Variants in TRPS1 observed in about 807,000 individuals in gnomAD.
TRPS1 encodes transcriptional repressor GATA binding 1, also known as zinc finger transcription factor Trps1.
Under a neutral mutation model 101.2 loss-of-function variants are expected in TRPS1, and 6 were observed. The ratio of observed to expected loss-of-function variants is 0.06; its 90% CI spans 0.03 to 0.12. The LOEUF (loss-of-function observed/expected upper bound fraction) is 0.12, where lower values mean the gene tolerates loss of function less well. TRPS1 is among the 10% of genes least tolerant of loss of function. TRPS1 has a pLI of 1.00. For synonymous variants in TRPS1, 578 were observed against 589.8 expected, an observed-to-expected ratio of 0.98 and a Z score of 0.29; for missense variants, 1,363 against 1,567.0, an observed-to-expected ratio of 0.87 and a Z score of 2.20.
chr8:115,448,884 G>C (rs921339487), intron 5 of TRPS1, among the ~76,000 whole-genome samples: 2 of 151,964 alleles, frequency 1.3e-5, no homozygotes, highest in Non-Finnish European at 2.9e-5. Context: ...ATAAAACTTC[G>C]TCGATCATCT....
At chr8:115,458,770 C>T (rs548921157) in intron 5 of TRPS1, among the ~76,000 whole-genome samples, 27 of 152,184 alleles carry the variant, frequency 1.8e-4, no homozygotes, top group Middle Eastern at 3.4e-3. Flanking sequence ...TGGGGCATGC[C>T]GTGTTCATAG....
At chr8:115,554,460 T>C (rs984080924) in intron 5 of TRPS1, among the ~76,000 whole-genome samples, 6 of 152,056 alleles carry the variant, frequency 3.9e-5, no homozygotes, top group African/African-American at 7.2e-5. Flanking sequence ...CAATCTTTAT[T>C]CCAAAAACAT....
At chr8:115,449,986 CACAGACAT>C (rs1813827664) in intron 5 of TRPS1, among the ~76,000 whole-genome samples, 1 of 151,774 alleles carries the variant, frequency 6.6e-6, no homozygotes. Context: ...CACACACACA[CACAGACAT>C]ACACACACAG....
chr8:115,660,355 T>G (rs1161529227), intron 1 of TRPS1, among the ~76,000 whole-genome samples: 1 of 152,006 alleles, frequency 6.6e-6, no homozygotes, highest in Non-Finnish European at 1.5e-5. Flanking sequence ...TTTCTACAGC[T>G]AAGGTATTTT....
chr8:115,438,339 C>A (rs1813508152), intron 5 of TRPS1, among the ~76,000 whole-genome samples: 1 of 152,222 alleles, frequency 6.6e-6, no homozygotes, highest in Admixed American at 6.5e-5. Context: ...TGGTAAAAGA[C>A]ATGACCCAAG....
chr8:115,644,343 C>T (rs535121885), intron 1 of TRPS1, among the ~76,000 whole-genome samples: 91 of 152,334 alleles, frequency 6.0e-4, no homozygotes, highest in African/African-American at 2.2e-3. Context: ...TCACTTGCTG[C>T]TTCACCTTGT....
intron 5 of TRPS1, among the ~76,000 whole-genome samples, chr8:115,557,959 G>C (rs555547834): frequency 6.6e-5 from 10 of 152,014 alleles, no homozygotes; most frequent in Non-Finnish European, 1.3e-4. Flanking sequence ...ACTACTACTT[G>C]TAACGTTCAT....
chr8:115,549,782 C>T (rs1315337680), intron 5 of TRPS1, among the ~76,000 whole-genome samples: 1 of 151,908 alleles, frequency 6.6e-6, no homozygotes, highest in Non-Finnish European at 1.5e-5. Flanking sequence ...ACTCAAGAAT[C>T]TATTTGTTTT....
intron 6 of TRPS1, among the ~76,000 whole-genome samples, chr8:115,416,529 A>G (rs1176408048): frequency 6.7e-6 from 1 of 148,576 alleles, no homozygotes; most frequent in African/African-American, 2.4e-5. Context: ...TAAATTATAA[A>G]ATTTTAAATA....
chr8:115,448,824 C>T (rs965739752), intron 5 of TRPS1, among the ~76,000 whole-genome samples: 1 of 152,132 alleles, frequency 6.6e-6, no homozygotes, highest in Non-Finnish European at 1.5e-5. Flanking sequence ...TATTAGTTTG[C>T]CCTTGACAAA....
At chr8:115,538,935 G>A (rs1816386851) in intron 5 of TRPS1, among the ~76,000 whole-genome samples, 1 of 152,080 alleles carries the variant, frequency 6.6e-6, no homozygotes. Flanking sequence ...TATCAAAAAA[G>A]TAAAGTATTC....
In TRPS1 at chr8:115,412,308, G is replaced by A. The variant is rs1388457889; in HGVS notation, c.*1715C>T. ...GAACTTTCATTTGTTTCATGTTACC[G>A]TTTACAACTTTAATGCACACACACA... is the stretch of plus-strand genomic sequence containing the variant. On this transcript the variant is annotated 3_prime_UTR_variant, in exon 7 of 7. Coordinates refer to ENST00000395715, the MANE Select transcript of TRPS1 (RefSeq NM_014112.5). 6.6e-6 allele frequency: 1 copy of A among 151,654 alleles called. No individual in the cohort carries two copies. Among genetic ancestry groups the A allele is most frequent in the Non-Finnish European group, 1.5e-5 (1 of 67,786 alleles). The allele number at this position is 151,654 out of a possible 1,614,324, so 9.4% of individuals were successfully genotyped here.
intron 4 of TRPS1, among the ~76,000 whole-genome samples, chr8:115,589,606 T>C (rs1813950171): frequency 6.6e-6 from 1 of 152,130 alleles, no homozygotes; most frequent in Non-Finnish European, 1.5e-5. Flanking sequence ...GGAGGATGAA[T>C]TGACCATAAA....
intron 4 of TRPS1, among the ~76,000 whole-genome samples, chr8:115,588,619 A>AAAAGCATT (rs1213196526): frequency 6.6e-6 from 1 of 152,238 alleles, no homozygotes; most frequent in Non-Finnish European, 1.5e-5. Flanking sequence ...TACCCGAAAG[A>AAAAGCATT]TACACAAGTG....
intron 5 of TRPS1, among the ~76,000 whole-genome samples, chr8:115,475,213 A>G (rs1327138909): frequency 2.0e-5 from 3 of 147,094 alleles, no homozygotes; most frequent in African/African-American, 7.5e-5. Context: ...ATGAAGGTGA[A>G]TAACTTCTAG....
chr8:115,525,630 G>T (rs1292278162), intron 5 of TRPS1, among the ~76,000 whole-genome samples: 2 of 152,158 alleles, frequency 1.3e-5, no homozygotes, highest in Admixed American at 6.6e-5. Context: ...CATCTTAGTA[G>T]AGTGAGAGAG....
intron 5 of TRPS1, among the ~76,000 whole-genome samples, chr8:115,445,515 T>C (rs1304319865): frequency 1.3e-5 from 2 of 152,146 alleles, no homozygotes; most frequent in East Asian, 3.9e-4. Flanking sequence ...AATTCCTCTT[T>C]CACTTGAGGA....
intron 1 of TRPS1, chr8:115,637,091 G>A (rs1439616526): frequency 4.6e-6 from 1 of 216,116 alleles, no homozygotes; most frequent in South Asian, 1.6e-4. Flanking sequence ...AGATTATCCT[G>A]AGAGAGAAGT....
intron 5 of TRPS1, among the ~76,000 whole-genome samples, chr8:115,458,080 A>C (rs1411551714): frequency 2.6e-5 from 4 of 152,182 alleles, no homozygotes; most frequent in African/African-American, 7.2e-5. Flanking sequence ...TGACACTTGC[A>C]TATGACTTTT....
Sources: allele counts gnomAD v4.1 joint callset (sites outside exome capture counted in the v4.1 genomes callset), GRCh38; gene constraint gnomAD v4.1.1; transcripts MANE v1.5; gene names NCBI Gene and HGNC (gene_info 2026-07-23, HGNC 2026-07-21).